Variants in FREM1 observed in about 807,000 individuals in gnomAD.
FREM1 encodes FRAS1-related extracellular matrix protein 1.
FREM1 carries 220 observed loss-of-function variants against 210.1 expected under a neutral mutation model. That is an observed-to-expected ratio of 1.05 (90% confidence interval 0.94 to 1.17). FREM1 has a LOEUF of 1.17. Among genes scored for constraint, FREM1 ranks in the 50% most tolerant of loss-of-function variants. The probability of loss-of-function intolerance (pLI) is 0.00; values close to 1 mark genes in which losing one functional copy is unlikely to be tolerated. For synonymous variants in FREM1, 1,189 were observed against 980.2 expected (o/e 1.21, Z -3.98); for missense variants, 3,454 against 2,675.5 (o/e 1.29, Z -6.42).
intron 35 of FREM1, among the ~76,000 whole-genome samples, chr9:14,742,462 G>A (rs1841748600): frequency 1.3e-5 from 2 of 152,100 alleles, no homozygotes; most frequent in South Asian, 2.1e-4. Context: ...TAGGAGTCTG[G>A]CTCCTTTGAC....
chr9:14,863,094 C>A (rs1830859132), intron 3 of FREM1, among the ~76,000 whole-genome samples: 1 of 152,042 alleles, frequency 6.6e-6, no homozygotes, highest in Admixed American at 6.5e-5. Context: ...GTAATCCCAG[C>A]ACTTTGGGAG....
intron 3 of FREM1, among the ~76,000 whole-genome samples, chr9:14,861,292 TACATATATAC>T (rs1338381967): frequency 1.7e-5 from 2 of 117,888 alleles, no homozygotes; most frequent in South Asian, 2.4e-4. Flanking sequence ...TATACATATA[TACATATATAC>T]ACATATATAC....
In FREM1 at chr9:14,836,739, C is replaced by T. The variant is rs1482201052; in HGVS notation, c.1881+4708G>A. Among the ~76,000 whole-genome samples the T allele has an allele frequency of 6.6e-6, 1 of 152,134 alleles. No individual in the cohort carries two copies. Among genetic ancestry groups the T allele is most frequent in the African/African-American group, 2.4e-5 (1 of 41,424 alleles). On this transcript the variant is annotated intron_variant, in intron 10 of 36. Transcript: ENST00000380880. This position sits in a 1 kb window ranked among gnomAD's most constrained non-coding sequence, Gnocchi z 4.9. ...ACCGCATGTGGACATGCCATTCTTC[C>T]GAGGACCCTTAAATCAATCCCAGGA...
At chr9:14,741,507 A>T (rs965444724) in intron 35 of FREM1, among the ~76,000 whole-genome samples, 1 of 152,144 alleles carries the variant, frequency 6.6e-6, no homozygotes, top group Admixed American at 6.5e-5. Context: ...ATTGACTCTC[A>T]GCTCCTGTCT....
chr9:14,856,042 A>C (rs1303223550), intron 5 of FREM1, among the ~76,000 whole-genome samples: 1 of 152,158 alleles, frequency 6.6e-6, no homozygotes, highest in Non-Finnish European at 1.5e-5. Context: ...CTTGAGCTAA[A>C]CCCAGCCTGG....
chr9:14,901,176 G>A (rs1838719599), intron 1 of FREM1, among the ~76,000 whole-genome samples: 2 of 152,182 alleles, frequency 1.3e-5, no homozygotes, highest in African/African-American at 4.8e-5. Flanking sequence ...GGTTTAGGCA[G>A]TATGTAATAG....
At chr9:14,777,162 C>T (rs1489869668) in intron 24 of FREM1, among the ~76,000 whole-genome samples, 1 of 152,188 alleles carries the variant, frequency 6.6e-6, no homozygotes, top group African/African-American at 2.4e-5. Context: ...AAATGATACA[C>T]ATTTGAGACA....
rs535702481 is a variant in FREM1, at chr9:14,872,536, T to C, written c.-267-3292A>G. Among the ~76,000 whole-genome samples the C allele has an allele frequency of 2.6e-4, 40 of 152,350 alleles. No homozygotes were observed. In the East Asian group the frequency reaches 7.7e-3, roughly 29 times the overall value. On this transcript the variant is annotated intron_variant, in intron 1 of 36. Coordinates refer to ENST00000380880, the MANE Select transcript of FREM1 (RefSeq NM_001379081.2). Reference sequence around the variant, plus strand: ...TTGATTTTGTATCCTGAGACTTTGCTGAAGTTGCTTATCAGCTTAAGGAGA... The same window carrying C: ...TTGATTTTGTATCCTGAGACTTTGCCGAAGTTGCTTATCAGCTTAAGGAGA...
intron 10 of FREM1, among the ~76,000 whole-genome samples, chr9:14,827,360 T>C: frequency 6.6e-6 from 1 of 152,226 alleles, no homozygotes; most frequent in African/African-American, 2.4e-5. Context: ...GTGCCTGTGT[T>C]CTAACACGTT....
rs181095931 is a variant in FREM1, at chr9:14,885,134, C to T, written c.-267-15890G>A. ...AGAGATGGGGTTTCACCGTGTTAGC[C>T]AGAATGGTCTCGATCTCCTGAGCTC... On this transcript the variant is annotated intron_variant, in intron 1 of 36. Coordinates refer to ENST00000380880, the MANE Select transcript of FREM1 (RefSeq NM_001379081.2). 7.8e-4 allele frequency among the ~76,000 whole-genome samples: 119 copies of T among 151,724 alleles called. 2 individuals are homozygous for T. The East Asian group carries it at 0.022, about 28-fold the overall frequency.
chr9:14,778,178 C>T (rs1427135985), intron 24 of FREM1, among the ~76,000 whole-genome samples: 1 of 151,980 alleles, frequency 6.6e-6, no homozygotes, highest in Non-Finnish European at 1.5e-5. Flanking sequence ...ATAGATTGAG[C>T]AAAATCACAT....
At position 14,904,054 on chromosome 9, in the gene FREM1, G is replaced by A. The variant is rs375661589; in HGVS notation, c.-268+5860C>T. Among the ~76,000 whole-genome samples, 17 of 150,272 alleles carry A rather than the reference G, an allele frequency of 1.1e-4. No homozygotes were observed. The East Asian group carries it at 2.2e-3, about 19-fold the overall frequency. The stretch of plus-strand genomic sequence containing the variant: ...GGAGAATGGCGTGAACCTGGGAGGC[G>A]GAGCTTGCAGTGAGCCAAGATCGCG... On this transcript the variant is annotated intron_variant, in intron 1 of 36. Coordinates refer to ENST00000380880, the MANE Select transcript of FREM1 (RefSeq NM_001379081.2).
intron 15 of FREM1, among the ~76,000 whole-genome samples, chr9:14,814,928 T>C (rs1820034017): frequency 6.6e-6 from 1 of 152,202 alleles, no homozygotes; most frequent in African/African-American, 2.4e-5. Flanking sequence ...GGATGGAAGA[T>C]AGGGTTGGGG....
chr9:14,812,769 A>G, intron 16 of FREM1, 43 bp downstream of exon 16: 2 of 1,563,560 alleles, frequency 1.3e-6, no homozygotes, highest in Non-Finnish European at 1.7e-6. Context: ...GGAGACTCTC[A>G]TGTTGCTTGC....
chr9:14,854,736 T>G (rs1342223533), intron 5 of FREM1, among the ~76,000 whole-genome samples: 1 of 151,928 alleles, frequency 6.6e-6, no homozygotes, highest in Non-Finnish European at 1.5e-5. Context: ...TAAAAGAAAA[T>G]TATTCCAAAA....
At chr9:14,885,912 T>C (rs1835726734) in intron 1 of FREM1, among the ~76,000 whole-genome samples, 1 of 152,212 alleles carries the variant, frequency 6.6e-6, no homozygotes, top group Admixed American at 6.5e-5. Context: ...TGCTGTTAAC[T>C]ATAGTAGTCA....
At position 14,889,346 on chromosome 9, in the gene FREM1, C is replaced by A. The variant is rs79441254; in HGVS notation, c.-267-20102G>T. ...TATTCATCTCCCAAGTGAAATGTAT[C>A]TGACACTGTTTTAATTTGCACTTCC... On this transcript the variant is annotated intron_variant, in intron 1 of 36. Coordinates refer to ENST00000380880, the MANE Select transcript of FREM1 (RefSeq NM_001379081.2). Among the ~76,000 whole-genome samples, 1,059 of 152,334 alleles carry A rather than the reference C, an allele frequency of 7.0e-3. 15 individuals carry two copies. Among genetic ancestry groups the A allele is most frequent in the African/African-American group, 0.024 (1,012 of 41,574 alleles).
intron 14 of FREM1, 67 bp from the exon 15 acceptor site, chr9:14,816,938 C>T (rs975816729): frequency 1.6e-5 from 8 of 497,902 alleles, no homozygotes; most frequent in African/African-American, 1.6e-4. Flanking sequence ...ATGCATGATA[C>T]ATGAGCTCTT....
chr9:14,825,547 G>GTGTTTATATATATATATATA, intron 10 of FREM1, among the ~76,000 whole-genome samples: 1 of 75,932 alleles, frequency 1.3e-5, no homozygotes, highest in East Asian at 3.1e-4. Context: ...GTGTGTGTGT[G>GTGTTTATATATATATATATA]TATATATATA....
Sources: allele counts gnomAD v4.1 joint callset (sites outside exome capture counted in the v4.1 genomes callset), GRCh38; gene constraint gnomAD v4.1.1; non-coding constraint Gnocchi (gnomAD v3.1); transcripts MANE v1.5; gene names NCBI Gene and HGNC (gene_info 2026-07-23, HGNC 2026-07-21).